DCC: variants seen among roughly 807,000 people sequenced by gnomAD.
DCC encodes DCC netrin 1 receptor, also known as netrin receptor DCC.
A neutral mutation model predicts 172.5 loss-of-function variants in DCC; 58 were observed. That is an observed-to-expected ratio of 0.34 (90% CI 0.27 to 0.42). The LOEUF is 0.42. Among genes scored for constraint, DCC ranks in the 10% least tolerant of loss-of-function variants. The pLI is 1.00. For synonymous variants in DCC, 709 were observed against 644.5 expected (o/e 1.10, Z -1.52); for missense variants, 1,740 against 1,791.0 (o/e 0.97, Z 0.51).
chr18:53,286,050 A>G (rs144750703), intron 12 of DCC, among the ~76,000 whole-genome samples: 223 of 152,308 alleles, frequency 1.5e-3, no homozygotes, highest in African/African-American at 5.1e-3. Flanking sequence ...ACAGGCTTAC[A>G]GGTGGAAGGG....
chr18:53,203,200 CTTGTGTGTG>C (rs927425140), intron 9 of DCC, among the ~76,000 whole-genome samples: 7 of 57,322 alleles, frequency 1.2e-4, no homozygotes, highest in Admixed American at 2.2e-4. Flanking sequence ...TATAGATTCT[CTTGTGTGTG>C]TGTGTGTGTG....
chr18:52,527,869 G>T (rs2144678041), intron 1 of DCC, among the ~76,000 whole-genome samples: 1 of 152,300 alleles, frequency 6.6e-6, no homozygotes, highest in African/African-American at 2.4e-5. Context: ...ACTCTGGGGA[G>T]GGAGAGCAAC....
intron 3 of DCC, among the ~76,000 whole-genome samples, chr18:52,920,597 G>T (rs1464279290): frequency 2.0e-5 from 3 of 152,020 alleles, no homozygotes; most frequent in Non-Finnish European, 4.4e-5. Context: ...ATGAAAAATT[G>T]TACAGCCACT....
In DCC at chr18:53,334,587, C is replaced by T. The variant is rs181414630; in HGVS notation, c.2165-5126C>T. Among the ~76,000 whole-genome samples, 83 of 152,264 alleles carry T rather than the reference C, an allele frequency of 5.5e-4. No individual in the cohort carries two copies. In the East Asian group the frequency reaches 0.012, roughly 22 times the overall value. On this transcript the variant is annotated intron_variant, in intron 14 of 28. Coordinates refer to ENST00000442544, the MANE Select transcript of DCC (RefSeq NM_005215.4). Reference sequence around the variant, plus strand: ...CCCATTAAATAATAACTGCCAACCTCCCCAACCCCCAGCCTCTGGCAACCA... The same window carrying T: ...CCCATTAAATAATAACTGCCAACCTTCCCAACCCCCAGCCTCTGGCAACCA...
intron 7 of DCC, among the ~76,000 whole-genome samples, chr18:53,135,252 C>G (rs1258765497): frequency 6.6e-6 from 1 of 151,996 alleles, no homozygotes; most frequent in Non-Finnish European, 1.5e-5. Context: ...AATAAAAAAG[C>G]CTCCTTCCAG....
At chr18:52,724,701 T>C (rs1409521606) in intron 1 of DCC, among the ~76,000 whole-genome samples, 1 of 152,206 alleles carries the variant, frequency 6.6e-6, no homozygotes, top group African/African-American at 2.4e-5. Flanking sequence ...CCCTCTTTCA[T>C]AGCAGCCTAA....
At chr18:52,561,522 T>C (rs1267076879) in intron 1 of DCC, among the ~76,000 whole-genome samples, 1 of 152,108 alleles carries the variant, frequency 6.6e-6, no homozygotes, top group Non-Finnish European at 1.5e-5. Flanking sequence ...GCCTGATTCT[T>C]ATCTGTACCT....
At chr18:52,450,742 T>C (rs1057206730) in intron 1 of DCC, among the ~76,000 whole-genome samples, 3 of 152,164 alleles carry the variant, frequency 2.0e-5, no homozygotes, top group African/African-American at 7.2e-5. Context: ...AGATACTCAA[T>C]AAATACATTT....
rs753422945 is a variant in DCC, at chr18:52,662,636, G to A, written c.92-89418G>A. ...GAGAAAGAAAGAAAGAGAAAGAAGC[G>A]AAAAGAAGAAAACAAGGGATGGAAG... On this transcript the variant is annotated intron_variant, in intron 1 of 28. Coordinates refer to ENST00000442544, the MANE Select transcript of DCC (RefSeq NM_005215.4). Among the ~76,000 whole-genome samples, 95 of 150,570 alleles carry A rather than the reference G, an allele frequency of 6.3e-4. 1 individual carries two copies. The highest frequency in any genetic ancestry group is 1.0e-3 in the Non-Finnish European group (68 of 67,542).
chr18:52,858,451 C>T (rs144934974), intron 2 of DCC, among the ~76,000 whole-genome samples: 1 of 152,266 alleles, frequency 6.6e-6, no homozygotes, highest in Non-Finnish European at 1.5e-5. Flanking sequence ...CATGTGTCTA[C>T]TTGGTTGTGG....
chr18:52,881,737 ATTATT>A (rs544715425), intron 2 of DCC, among the ~76,000 whole-genome samples: 7 of 152,016 alleles, frequency 4.6e-5, no homozygotes, highest in Non-Finnish European at 8.8e-5. Flanking sequence ...AGGTAATGTG[ATTATT>A]TTAGTTTTTT....
At chr18:52,492,380 G>A (rs2030544910) in intron 1 of DCC, among the ~76,000 whole-genome samples, 1 of 151,970 alleles carries the variant, frequency 6.6e-6, no homozygotes, top group Non-Finnish European at 1.5e-5. Context: ...GAAGGTGTGG[G>A]AGACATGATG....
intron 4 of DCC, among the ~76,000 whole-genome samples, chr18:52,924,185 T>C (rs2040165803): frequency 6.6e-6 from 1 of 151,924 alleles, no homozygotes; most frequent in Non-Finnish European, 1.5e-5. Context: ...TATAGAGAGG[T>C]TTGATCCTTA....
At chr18:52,888,693 A>G (rs994538684) in intron 2 of DCC, among the ~76,000 whole-genome samples, 1 of 152,022 alleles carries the variant, frequency 6.6e-6, no homozygotes, top group East Asian at 1.9e-4. Context: ...CTTTTTAACA[A>G]CAAAAAACAA....
chr18:52,934,417 G>T (rs1365326666), intron 5 of DCC, among the ~76,000 whole-genome samples: 1 of 152,208 alleles, frequency 6.6e-6, no homozygotes, highest in East Asian at 1.9e-4. Context: ...TTCACAGCTA[G>T]ATAGGGAGAA....
At chr18:52,784,552 T>G (rs1210865494) in intron 2 of DCC, among the ~76,000 whole-genome samples, 1 of 152,094 alleles carries the variant, frequency 6.6e-6, no homozygotes, top group Non-Finnish European at 1.5e-5. Context: ...GGGTTCAATT[T>G]TTCTCTACAT....
Position 53,391,815 on chromosome 18 carries a change from C to A in DCC, c.2616C>A (p.Asn872Lys). The change falls in exon 17 of 29, where the codon AAC (asparagine) becomes AAA (lysine). Residue 872 changes from asparagine (N) to lysine (K), a missense_variant. This residue lies in a region of DCC where 1,732 missense variants were observed against 1,767.4 expected (regional missense o/e 0.98). Transcript: ENST00000442544. ...VSWADNSVPK[N>K]QKTSEVRLYT... The stretch of plus-strand genomic sequence containing the variant: ...GGGCAGACAACTCTGTCCCTAAGAA[C>A]CAAAAGACGTCTGAGGTGCGACTTT... 6.2e-7 allele frequency: 1 copy of A among 1,614,010 alleles called. No homozygotes were observed. Among genetic ancestry groups the A allele is most frequent in the African/African-American group, 1.3e-5 (1 of 75,018 alleles).
In DCC at chr18:53,083,845, C is replaced by T. The variant is rs57533868; in HGVS notation, c.1261+17679C>T. Among the ~76,000 whole-genome samples, 1,509 of 152,236 alleles carry T rather than the reference C, an allele frequency of 9.9e-3. 23 individuals are homozygous for T. Among genetic ancestry groups the T allele is most frequent in the African/African-American group, 0.03 (1,266 of 41,540 alleles). On this transcript the variant is annotated intron_variant, in intron 7 of 28. Coordinates refer to ENST00000442544, the MANE Select transcript of DCC (RefSeq NM_005215.4). ...GAACAACAAAAATAATTGTTTACAG[C>T]CTTCTTTTGTAGCAGAGACATGTGA... is the stretch of plus-strand genomic sequence containing the variant.
At chr18:52,502,594 A>G (rs530491965) in intron 1 of DCC, among the ~76,000 whole-genome samples, 57 of 152,322 alleles carry the variant, frequency 3.7e-4, no homozygotes, top group African/African-American at 1.3e-3. Context: ...TCCATTACAC[A>G]GGAGTAAAGG....
Sources: gnomAD v4.1 joint callset for allele counts (sites outside exome capture counted in the v4.1 genomes callset) on GRCh38, gnomAD v4.1.1 for gene constraint, gnomAD v4.1.1 regional missense constraint, MANE v1.5 for transcripts, NCBI Gene and HGNC (gene_info 2026-07-23, HGNC 2026-07-21) for gene names.